The following PCGF6 variants were observed in gnomAD, a reference collection of about 807,000 sequenced individuals.
PCGF6 encodes polycomb group RING finger protein 6.
PCGF6 carries 24 observed loss-of-function variants against 45.5 expected under a neutral mutation model. The ratio of observed to expected loss-of-function variants is 0.53; its 90% CI spans 0.38 to 0.74. The LOEUF (loss-of-function observed/expected upper bound fraction) is 0.74, where lower values mean the gene tolerates loss of function less well. Ranked by LOEUF, PCGF6 falls within the 30% of genes least tolerant of loss-of-function variation. The pLI, the probability that PCGF6 is intolerant of heterozygous loss-of-function variation, is 0.00. For missense variants in PCGF6, 356 were observed against 443.2 expected, an observed-to-expected ratio of 0.80 and a Z score of 1.77; for synonymous variants, 152 against 162.1, an observed-to-expected ratio of 0.94 and a Z score of 0.47.
chr10:103,338,822 C>G (rs769562635), intron 6 of PCGF6, among the ~76,000 whole-genome samples: 5 of 151,144 alleles, frequency 3.3e-5, no homozygotes, highest in African/African-American at 4.9e-5. Flanking sequence ...GAGCCGAGAT[C>G]ACACCACTAC....
chr10:103,329,447 G>A (rs1034265637), intron 7 of PCGF6, among the ~76,000 whole-genome samples: 6 of 152,004 alleles, frequency 3.9e-5, no homozygotes, highest in Non-Finnish European at 5.9e-5. Flanking sequence ...AACCAGTAAC[G>A]GGCTTAAACA....
chr10:103,324,988 G>T (rs1391430298), intron 8 of PCGF6, among the ~76,000 whole-genome samples: 1 of 150,304 alleles, frequency 6.7e-6, no homozygotes, highest in Admixed American at 6.7e-5. Context: ...TACAAAATTA[G>T]CCTGGCATGG....
intron 6 of PCGF6, among the ~76,000 whole-genome samples, chr10:103,338,873 G>GA (rs112906825): frequency 1.9e-4 from 28 of 147,406 alleles, no homozygotes; most frequent in South Asian, 8.6e-4. Flanking sequence ...CGTCTCAAAA[G>GA]AAAAAAAAAA....
intron 8 of PCGF6, among the ~76,000 whole-genome samples, chr10:103,314,954 TAAAAAAAAAAA>T (rs60182387): frequency 1.2e-4 from 7 of 57,180 alleles, no homozygotes; most frequent in African/African-American, 2.4e-4. Flanking sequence ...GACTCTGTCA[TAAAAAAAAAAA>T]AAAAAAAAAA....
intron 6 of PCGF6, among the ~76,000 whole-genome samples, chr10:103,338,189 C>T (rs577585175): frequency 4.0e-5 from 6 of 151,706 alleles, no homozygotes; most frequent in East Asian, 1.9e-4. Flanking sequence ...TGCAGTGAGT[C>T]GAGATCATGC....
At chr10:103,345,452 T>C (rs1461894455) in intron 5 of PCGF6, among the ~76,000 whole-genome samples, 2 of 151,846 alleles carry the variant, frequency 1.3e-5, no homozygotes, top group Non-Finnish European at 2.9e-5. Flanking sequence ...GCACTTCTCA[T>C]GCATCATCTC....
rs766351223 is a variant in PCGF6 at position 103,350,695 on chromosome 10, G to A, written c.360+12C>T. ...CTTGGGCCCAGCGGGGTCGCGCGGG[G>A]GCTCTAAATACCTCCTCCTCGTCCT... On this transcript the variant is annotated intron_variant, in intron 1 of 9. Transcript: ENST00000369847. The A allele has an allele frequency of 1.8e-5, 26 of 1,469,154 alleles. No homozygotes were observed. The highest frequency in any genetic ancestry group is 2.4e-5 in the Non-Finnish European group (26 of 1,104,060). The allele number at this position is 1,469,154 out of a possible 1,614,324, so 91.0% of individuals were successfully genotyped here.
intron 9 of PCGF6, among the ~76,000 whole-genome samples, chr10:103,308,944 G>T (rs1289452303): frequency 6.6e-6 from 1 of 152,006 alleles, no homozygotes; most frequent in Admixed American, 6.6e-5. Flanking sequence ...CTTACATGGG[G>T]ACATATAGCC....
At chr10:103,304,863 T>C (rs2093132564) in intron 9 of PCGF6, among the ~76,000 whole-genome samples, 2 of 152,020 alleles carry the variant, frequency 1.3e-5, no homozygotes, top group African/African-American at 2.4e-5. Context: ...CCGTATTGCA[T>C]AGGCTGGGCT....
intron 9 of PCGF6, among the ~76,000 whole-genome samples, chr10:103,308,503 A>G (rs528931365): frequency 6.6e-6 from 1 of 151,806 alleles, no homozygotes; most frequent in East Asian, 2.0e-4. Flanking sequence ...GGTTCAAGCA[A>G]TTCTCCTACC....
At chr10:103,340,824 AG>A (rs1237171277) in intron 6 of PCGF6, among the ~76,000 whole-genome samples, 2 of 152,172 alleles carry the variant, frequency 1.3e-5, no homozygotes, top group Non-Finnish European at 2.9e-5. Context: ...GCTAGTGTCC[AG>A]CTCCTGGACT....
intron 9 of PCGF6, among the ~76,000 whole-genome samples, chr10:103,308,195 C>T (rs1470423665): frequency 6.6e-6 from 1 of 152,100 alleles, no homozygotes; most frequent in Non-Finnish European, 1.5e-5. Flanking sequence ...GGGCCACTGT[C>T]CTCCAGATCC....
chr10:103,316,371 C>T (rs2093176362), intron 8 of PCGF6, among the ~76,000 whole-genome samples: 1 of 152,140 alleles, frequency 6.6e-6, no homozygotes, highest in Non-Finnish European at 1.5e-5. Flanking sequence ...TGGGAAAGAA[C>T]AGTAATAGCA....
At chr10:103,305,292 AAC>A (rs759601538) in intron 9 of PCGF6, among the ~76,000 whole-genome samples, 4 of 151,208 alleles carry the variant, frequency 2.6e-5, no homozygotes, top group South Asian at 2.1e-4. Context: ...TTTTTTTTGA[AAC>A]ACAGTCTGGC....
intron 6 of PCGF6, among the ~76,000 whole-genome samples, chr10:103,344,388 C>G (rs2093291898): frequency 6.6e-6 from 1 of 152,018 alleles, no homozygotes; most frequent in African/African-American, 2.4e-5. Flanking sequence ...TCTCCTGCCT[C>G]AGCCTCCCGA....
chr10:103,341,224 C>T (rs987282968), intron 6 of PCGF6, among the ~76,000 whole-genome samples: 6 of 150,942 alleles, frequency 4.0e-5, no homozygotes, highest in African/African-American at 1.5e-4. Flanking sequence ...AGTGAAACTC[C>T]GTCTCAAAAA....
At chr10:103,310,996 C>G (rs1332552829) in intron 9 of PCGF6, among the ~76,000 whole-genome samples, 1 of 152,126 alleles carries the variant, frequency 6.6e-6, no homozygotes, top group African/African-American at 2.4e-5. Flanking sequence ...ACAACCATGT[C>G]TGCTAATTTT....
intron 9 of PCGF6, among the ~76,000 whole-genome samples, chr10:103,305,658 C>T (rs2093135757): frequency 6.6e-6 from 1 of 152,176 alleles, no homozygotes; most frequent in South Asian, 2.1e-4. Flanking sequence ...TTCACTTCCA[C>T]ATAAATGCAG....
chr10:103,312,762 G>C (rs2093161859), intron 9 of PCGF6, among the ~76,000 whole-genome samples: 1 of 152,108 alleles, frequency 6.6e-6, no homozygotes, highest in South Asian at 2.1e-4. Flanking sequence ...GGGAGTTAGA[G>C]ACCAGCCTGA....
Sources: gnomAD v4.1 joint callset for allele counts (sites outside exome capture counted in the v4.1 genomes callset) on GRCh38, gnomAD v4.1.1 for gene constraint, MANE v1.5 for transcripts, NCBI Gene and HGNC (gene_info 2026-07-23, HGNC 2026-07-21) for gene names.